The following OSBPL10 variants were observed in gnomAD, a reference collection of about 807,000 sequenced individuals.
OSBPL10 encodes oxysterol-binding protein-related protein 10.
OSBPL10 carries 49 observed loss-of-function variants against 81.7 expected under a neutral mutation model. That is an observed-to-expected ratio of 0.60 (90% CI 0.48 to 0.76). The LOEUF (loss-of-function observed/expected upper bound fraction) is 0.76, where lower values mean the gene tolerates loss of function less well. OSBPL10 is among the 30% of genes least tolerant of loss of function. OSBPL10 has a pLI of 0.00. For missense variants in OSBPL10, 923 were observed against 987.8 expected, an observed-to-expected ratio of 0.93 and a Z score of 0.88; for synonymous variants, 419 against 383.6, an observed-to-expected ratio of 1.09 and a Z score of -1.08.
chr3:31,820,227 C>T (rs1270747497), intron 4 of OSBPL10, among the ~76,000 whole-genome samples: 2 of 152,042 alleles, frequency 1.3e-5, no homozygotes, highest in Non-Finnish European at 2.9e-5. Context: ...TATTATTATT[C>T]ATGTAGTAAT....
intron 3 of OSBPL10, among the ~76,000 whole-genome samples, chr3:31,833,536 T>A (rs545840869): frequency 2.6e-5 from 4 of 152,298 alleles, no homozygotes; most frequent in African/African-American, 9.6e-5. Context: ...CCTTATGGAT[T>A]TTTAAAATGT....
chr3:31,837,253 A>G (rs1012200527), intron 3 of OSBPL10, among the ~76,000 whole-genome samples: 2 of 145,370 alleles, frequency 1.4e-5, no homozygotes, highest in Admixed American at 1.4e-4. Context: ...CTATCATCAT[A>G]AACACACAAC....
intron 2 of OSBPL10, among the ~76,000 whole-genome samples, chr3:31,993,164 CTTATTTTATTTTATTTTATTTTATT>C (rs143583788): frequency 5.1e-4 from 66 of 129,114 alleles, no homozygotes; most frequent in Admixed American, 1.3e-3. Flanking sequence ...GTAAGAAAAC[CTTATTTTATTTTATTTTATTTTATT>C]TTATTTTATT....
chr3:31,664,567 A>G (rs1198091238), intron 10 of OSBPL10: 3 of 417,070 alleles, frequency 7.2e-6, no homozygotes, highest in African/African-American at 2.0e-5. Context: ...CCATATTTCT[A>G]AGCATTTTAC....
intron 1 of OSBPL10, among the ~76,000 whole-genome samples, chr3:31,966,269 A>T (rs1048209889): frequency 1.2e-4 from 18 of 151,280 alleles, no homozygotes; most frequent in African/African-American, 4.1e-4. Context: ...AGCTGAACTA[A>T]AATAGAAATA....
chr3:31,908,273 G>A (rs994358994), intron 1 of OSBPL10, among the ~76,000 whole-genome samples: 5 of 152,106 alleles, frequency 3.3e-5, no homozygotes, highest in Admixed American at 1.3e-4. Flanking sequence ...GGAGACCCCA[G>A]GAGGGCTCTG....
At chr3:31,981,858 C>T (rs556546989), upstream of OSBPL10, 5 of 152,428 alleles carry the variant, frequency 3.3e-5, no homozygotes, top group South Asian at 1.0e-3. The surrounding 1 kb of genome is among the most constrained non-coding windows in gnomAD (Gnocchi z 4.5). Context: ...GGGAGGCCCT[C>T]CGCGTTGTCT....
chr3:31,662,584 T>A, intron 11 of OSBPL10: 1 of 995,548 alleles, frequency 1.0e-6, no homozygotes, highest in Non-Finnish European at 1.2e-6. Flanking sequence ...ATCAATCAAA[T>A]ATCAAGTGAG....
rs201001626 is a variant in OSBPL10, at chr3:31,974,213, A to G, written c.281+6686T>C. ...TGTTCAGCCTCAGTAGTCATCAGGGAAAGGCAAATTAAAATTGGATGACAT... is the reference window on the plus strand; with the variant it reads ...TGTTCAGCCTCAGTAGTCATCAGGGGAAGGCAAATTAAAATTGGATGACAT... On this transcript the variant is annotated intron_variant, in intron 1 of 11. Transcript: ENST00000396556. 3.9e-5 allele frequency among the ~76,000 whole-genome samples: 6 copies of G among 152,334 alleles called. No homozygotes were observed. In the East Asian group the frequency reaches 9.6e-4, roughly 24 times the overall value.
intron 4 of OSBPL10, among the ~76,000 whole-genome samples, chr3:31,773,945 C>A (rs553888308): frequency 6.6e-6 from 1 of 152,204 alleles, no homozygotes; most frequent in Non-Finnish European, 1.5e-5. Flanking sequence ...GGGTGGATCA[C>A]GAGGTCAGGA....
intron 1 of OSBPL10, among the ~76,000 whole-genome samples, chr3:31,973,141 C>T (rs1336014560): frequency 1.3e-5 from 2 of 152,198 alleles, no homozygotes; most frequent in African/African-American, 4.8e-5. Flanking sequence ...CCGGCACAAT[C>T]ATTTCAACCC....
chr3:31,885,719 A>G (rs1423696386), intron 1 of OSBPL10, among the ~76,000 whole-genome samples: 6 of 151,832 alleles, frequency 4.0e-5, no homozygotes, highest in African/African-American at 1.5e-4. Flanking sequence ...GCAGTGGCTC[A>G]TGCCTATAAT....
chr3:31,766,487 C>T (rs1698204179), intron 4 of OSBPL10, among the ~76,000 whole-genome samples: 1 of 151,848 alleles, frequency 6.6e-6, no homozygotes, highest in Non-Finnish European at 1.5e-5. Flanking sequence ...GGAGTATAGG[C>T]TCACACCATG....
intron 4 of OSBPL10, among the ~76,000 whole-genome samples, chr3:31,802,780 T>A (rs979255849): frequency 6.6e-6 from 1 of 151,752 alleles, no homozygotes; most frequent in Non-Finnish European, 1.5e-5. Context: ...AAAACAAGAG[T>A]ACATTCCTCT....
chr3:31,692,197 C>G (rs1695577964), intron 7 of OSBPL10, among the ~76,000 whole-genome samples: 1 of 152,168 alleles, frequency 6.6e-6, no homozygotes. Flanking sequence ...AGCAGAACGT[C>G]ATCCCTTAAC....
intron 7 of OSBPL10, among the ~76,000 whole-genome samples, chr3:31,697,370 A>G (rs1250366568): frequency 3.4e-5 from 4 of 117,340 alleles, no homozygotes; most frequent in African/African-American, 1.4e-4. Flanking sequence ...TCCAGATTGC[A>G]TAACCATGAA....
chr3:31,853,039 A>G (rs1040745944), intron 3 of OSBPL10, among the ~76,000 whole-genome samples: 4 of 152,236 alleles, frequency 2.6e-5, no homozygotes, highest in African/African-American at 4.8e-5. Context: ...ACTGGAGTTC[A>G]TAAGGTTTTT....
At chr3:31,983,323 T>C (rs1207211199), upstream of OSBPL10, among the ~76,000 whole-genome samples, 1 of 152,210 alleles carries the variant, frequency 6.6e-6, no homozygotes, top group Non-Finnish European at 1.5e-5. Flanking sequence ...CACCTTAAGC[T>C]CCTGCTAAAA....
At chr3:31,790,544 G>C (rs1698983185) in intron 4 of OSBPL10, among the ~76,000 whole-genome samples, 2 of 152,138 alleles carry the variant, frequency 1.3e-5, no homozygotes, top group Admixed American at 1.3e-4. Flanking sequence ...ATACTGACGG[G>C]GGAAAAAGAT....
Sources: allele counts gnomAD v4.1 joint callset (sites outside exome capture counted in the v4.1 genomes callset), GRCh38; gene constraint gnomAD v4.1.1; non-coding constraint Gnocchi (gnomAD v3.1); transcripts MANE v1.5; gene names NCBI Gene and HGNC (gene_info 2026-07-23, HGNC 2026-07-21).